NVL: variants seen among roughly 807,000 people sequenced by gnomAD.
NVL encodes nuclear valosin-containing protein-like.
NVL carries 84 observed loss-of-function variants against 110.2 expected under a neutral mutation model. The observed-to-expected ratio is 0.76, with a 90% CI of 0.64 to 0.91. NVL has a LOEUF of 0.91. Ranked by LOEUF, NVL falls within the 40% of genes least tolerant of loss-of-function variation. The probability of loss-of-function intolerance (pLI) is 0.00; values close to 1 mark genes in which losing one functional copy is unlikely to be tolerated. For missense variants in NVL, 882 were observed against 1,035.9 expected (o/e 0.85, Z 2.04); for synonymous variants, 354 against 361.1 (o/e 0.98, Z 0.22).
chr1:224,326,389 A>G lies in NVL; in HGVS notation c.131+2T>C. 1 of 1,595,266 alleles carries G rather than the reference A, an allele frequency of 6.3e-7. No homozygotes were observed. Among genetic ancestry groups the G allele is most frequent in the South Asian group, 1.1e-5 (1 of 87,520 alleles). On this transcript the variant is annotated splice_donor_variant, in intron 2 of 22. Coordinates refer to ENST00000281701, the MANE Select transcript of NVL (RefSeq NM_002533.4). LOFTEE classifies it high-confidence loss of function. The stretch of plus-strand genomic sequence containing the variant: ...AAGGATCCGGAAACTATATTTATTT[A>G]CCTGTACACTCTTTGTAAATCAGAC...
intron 21 of NVL, 48 bp downstream of exon 21, chr1:224,233,153 G>GT: frequency 6.6e-7 from 1 of 1,515,374 alleles, no homozygotes; most frequent in Non-Finnish European, 9.1e-7. Context: ...GGCAACAGTG[G>GT]TTTTAAGTAT....
chr1:224,262,009 C>T (rs1384328762), intron 18 of NVL, among the ~76,000 whole-genome samples: 1 of 151,970 alleles, frequency 6.6e-6, no homozygotes, highest in African/African-American at 2.4e-5. Context: ...TGTCCCAGTT[C>T]TTCAGAATAA....
At chr1:224,284,892 A>G (rs1198038047) in intron 15 of NVL, among the ~76,000 whole-genome samples, 1 of 152,208 alleles carries the variant, frequency 6.6e-6, no homozygotes, top group Non-Finnish European at 1.5e-5. Context: ...CCTTAAAAAC[A>G]TACATTCCTT....
intron 19 of NVL, among the ~76,000 whole-genome samples, chr1:224,238,143 C>A (rs894212699): frequency 1.3e-5 from 2 of 151,198 alleles, no homozygotes; most frequent in African/African-American, 4.9e-5. Context: ...AAGCCATCCT[C>A]CCACCTCAGC....
Position 224,305,088 on chromosome 1 carries a change from T to C in NVL, c.694A>G (p.Lys232Glu). The C allele has an allele frequency of 6.2e-7, 1 of 1,613,964 alleles. No individual in the cohort carries two copies. The highest frequency in any genetic ancestry group is 8.5e-7 in the Non-Finnish European group (1 of 1,179,958). The change falls in exon 7 of 23, where the codon AAA (lysine) becomes GAA (glutamate). Residue 232 changes from lysine to glutamate, a missense_variant. Physicochemically the swap from Lys to Glu is moderately conservative, Grantham distance 56. Coordinates refer to ENST00000281701, the MANE Select transcript of NVL (RefSeq NM_002533.4). ...CCATCTACTTCCTGAAGATCTTCTT[T>C]CTTCCTTTTGCTTCCTTTATTCTTT... ...KLKNKGSKRK[K>E]EDLQEVDGEI...
At chr1:224,326,867 A>G (rs1019392404) in intron 1 of NVL, among the ~76,000 whole-genome samples, 1 of 152,182 alleles carries the variant, frequency 6.6e-6, no homozygotes, top group Non-Finnish European at 1.5e-5. Context: ...TTTAGTTTCA[A>G]TATTAAATCA....
At chr1:224,323,352 T>C (rs140417544) in intron 2 of NVL, among the ~76,000 whole-genome samples, 12 of 152,254 alleles carry the variant, frequency 7.9e-5, no homozygotes, top group South Asian at 2.1e-4. Context: ...AACCTGAAGA[T>C]TGGAAAATTC....
chr1:224,264,065 C>T (rs1306366003), intron 18 of NVL, among the ~76,000 whole-genome samples: 2 of 151,984 alleles, frequency 1.3e-5, no homozygotes, highest in Non-Finnish European at 2.9e-5. Flanking sequence ...AATTATTTGG[C>T]AGCCGGGTTG....
At chr1:224,264,855 C>T (rs1264039940) in intron 18 of NVL, among the ~76,000 whole-genome samples, 1 of 152,126 alleles carries the variant, frequency 6.6e-6, no homozygotes, top group Non-Finnish European at 1.5e-5. Flanking sequence ...ATTCTCCTGC[C>T]TCAGCCTCAG....
Position 224,309,135 on chromosome 1 carries a change from TAAAG to T in NVL, c.343-876_343-873del, listed in dbSNP as rs532065839. On this transcript the variant is annotated intron_variant, in intron 5 of 22. Transcript: ENST00000281701. ...ATTCATAATTGGTGGTTAAATAAAA[TAAAG>T]TAAGTATGGTTGCTTCGAAAAAAAA... Among the ~76,000 whole-genome samples, 536 of 148,520 alleles carry T rather than the reference TAAAG, an allele frequency of 3.6e-3. 4 individuals carry two copies. The highest frequency in any genetic ancestry group is 0.012 in the African/African-American group (500 of 40,434).
At chr1:224,242,764 A>G (rs1478954024) in intron 19 of NVL, among the ~76,000 whole-genome samples, 1 of 150,926 alleles carries the variant, frequency 6.6e-6, no homozygotes, top group Non-Finnish European at 1.5e-5. Flanking sequence ...CACCATGCCC[A>G]ACCAAATTTA....
At chr1:224,255,975 C>T (rs1407335883) in intron 18 of NVL, among the ~76,000 whole-genome samples, 1 of 152,124 alleles carries the variant, frequency 6.6e-6, no homozygotes, top group Non-Finnish European at 1.5e-5. Context: ...GTTGAAAAGA[C>T]TATACATTCT....
At chr1:224,294,442 A>G in intron 11 of NVL, 31 bp from the exon 12 acceptor site, 1 of 1,610,956 alleles carries the variant, frequency 6.2e-7, no homozygotes, top group South Asian at 1.1e-5. Context: ...AGTAGTGAAC[A>G]AAGCACTTGA....
At chr1:224,261,530 A>G (rs1254179584) in intron 18 of NVL, among the ~76,000 whole-genome samples, 5 of 152,204 alleles carry the variant, frequency 3.3e-5, no homozygotes, top group Non-Finnish European at 7.3e-5. Context: ...TATGTGAAAA[A>G]GAGAATGCAA....
chr1:224,228,831 C>A (rs560160895), intron 22 of NVL, among the ~76,000 whole-genome samples: 1 of 132,458 alleles, frequency 7.5e-6, no homozygotes, highest in African/African-American at 2.8e-5. Context: ...CCCAGCTACT[C>A]GGGAGGCTGA....
In NVL at chr1:224,305,108, T is replaced by C. The variant is rs751909298; in HGVS notation, c.674A>G (p.Asn225Ser). Residue 225 changes from asparagine (N) to serine (S), a missense_variant, in exon 7 of 23, where the codon AAT becomes AGT. Transcript: ENST00000281701. The stretch of plus-strand genomic sequence containing the variant: ...TTCTTTCTTCCTTTTGCTTCCTTTA[T>C]TCTTTAGCTTGCCTTTCCGTTTCAT... ...SDMKRKGKLK[N>S]KGSKRKKEDL... 35 of 1,613,766 alleles carry C rather than the reference T, an allele frequency of 2.2e-5. No homozygotes were observed. The South Asian group carries it at 3.7e-4, about 17-fold the overall frequency.
intron 20 of NVL, among the ~76,000 whole-genome samples, chr1:224,235,884 G>C (rs1660407967): frequency 6.7e-6 from 1 of 150,152 alleles, no homozygotes; most frequent in Non-Finnish European, 1.5e-5. Flanking sequence ...AGTGAGCCAT[G>C]ATCATGCCAC....
At position 224,305,058 on chromosome 1, in the gene NVL, T is replaced by C. The variant is rs1232910689; in HGVS notation, c.724A>G (p.Ile242Val). Reference protein sequence around the residue: ...KEDLQEVDGEIEAVLQKKAKA... With the variant: ...KEDLQEVDGEVEAVLQKKAKA... ...CCTTTCTTTTGCAGGACAGCTTCAA[T>C]TTCTCCATCTACTTCCTGAAGATCT... The change falls in exon 7 of 23, where the codon ATT becomes GTT. Residue 242 changes from isoleucine to valine, a missense_variant. Coordinates refer to ENST00000281701, the MANE Select transcript of NVL (RefSeq NM_002533.4). The C allele has an allele frequency of 1.9e-6, 3 of 1,613,448 alleles. No individual in the cohort carries two copies. Among genetic ancestry groups the C allele is most frequent in the Non-Finnish European group, 2.5e-6 (3 of 1,179,890 alleles).
intron 20 of NVL, among the ~76,000 whole-genome samples, chr1:224,234,906 G>A (rs111693878): frequency 0.02 from 2,980 of 152,148 alleles, 101 homozygotes; most frequent in African/African-American, 0.068. Flanking sequence ...GGCAAGTTCC[G>A]CCACCAAAAT....
Sources: allele counts gnomAD v4.1 joint callset (sites outside exome capture counted in the v4.1 genomes callset), GRCh38; gene constraint gnomAD v4.1.1; transcripts MANE v1.5; gene names NCBI Gene and HGNC (gene_info 2026-07-23, HGNC 2026-07-21).